Variants in RAP1GAP2 observed in about 807,000 individuals in gnomAD.
RAP1GAP2 encodes the protein rap1 GTPase-activating protein 2.
Under a neutral mutation model 95.0 loss-of-function variants are expected in RAP1GAP2, and 27 were observed. The ratio of observed to expected loss-of-function variants is 0.28; its 90% CI spans 0.21 to 0.39. The LOEUF (loss-of-function observed/expected upper bound fraction) is 0.39. Ranked by LOEUF, RAP1GAP2 falls within the 10% of genes least tolerant of loss-of-function variation. The probability of loss-of-function intolerance (pLI) is 1.00; values close to 1 mark genes in which losing one functional copy is unlikely to be tolerated. For missense variants in RAP1GAP2, 771 were observed against 970.0 expected (o/e 0.79, Z 2.72); for synonymous variants, 373 against 380.9 (o/e 0.98, Z 0.24).
At chr17:2,852,782 G>C (rs559124960) in intron 2 of RAP1GAP2, among the ~76,000 whole-genome samples, 10 of 152,278 alleles carry the variant, frequency 6.6e-5, no homozygotes, top group African/African-American at 2.4e-4. Flanking sequence ...CTGGGAGGCT[G>C]GGCAGCACCT....
intron 1 of RAP1GAP2, among the ~76,000 whole-genome samples, chr17:2,766,262 C>T (rs561821074): frequency 3.9e-5 from 6 of 152,114 alleles, no homozygotes; most frequent in Admixed American, 6.6e-5. Flanking sequence ...TTTGTGTCCC[C>T]GGAAATTCAT....
At chr17:2,901,439 T>A (rs1040709630) in intron 2 of RAP1GAP2, among the ~76,000 whole-genome samples, 17 of 152,136 alleles carry the variant, frequency 1.1e-4, no homozygotes, top group Admixed American at 1.0e-3. Flanking sequence ...TCCTTGTGGG[T>A]CCCTGGGTGG....
chr17:3,027,115 G>A lies in RAP1GAP2; in HGVS notation c.2107+45G>A. ...GTGTGTGACGTCACCAGGAGGGCAG[G>A]CTGTGCCCTGTCCACTGTTAGCAGG... On this transcript the variant is annotated intron_variant, in intron 22 of 24. Coordinates refer to ENST00000254695, the MANE Select transcript of RAP1GAP2 (RefSeq NM_015085.5). The surrounding 1 kb of genome is among the most constrained non-coding windows in gnomAD (Gnocchi z 5.2). The A allele has an allele frequency of 6.5e-7, 1 of 1,530,036 alleles. No individual in the cohort carries two copies. Among genetic ancestry groups the A allele is most frequent in the East Asian group, 2.4e-5 (1 of 40,818 alleles). The allele number at this position is 1,530,036 out of a possible 1,614,324, so 94.8% of individuals were successfully genotyped here. A position where few individuals can be genotyped will look rare whatever the true frequency, so the allele number is the denominator to read the frequency against.
At chr17:2,898,402 A>G (rs2041911282) in intron 2 of RAP1GAP2, among the ~76,000 whole-genome samples, 1 of 152,122 alleles carries the variant, frequency 6.6e-6, no homozygotes, top group African/African-American at 2.4e-5. Flanking sequence ...TCCTGAATCC[A>G]GTGTCCTCTT....
At chr17:3,006,405 C>T (rs1388352737) in intron 16 of RAP1GAP2, among the ~76,000 whole-genome samples, 4 of 150,608 alleles carry the variant, frequency 2.7e-5, no homozygotes, top group African/African-American at 7.3e-5. Context: ...GCCGGGATTA[C>T]AGGCGTGAGC....
intron 16 of RAP1GAP2, among the ~76,000 whole-genome samples, chr17:3,006,985 G>C (rs1235048871): frequency 6.6e-6 from 1 of 152,194 alleles, no homozygotes; most frequent in East Asian, 1.9e-4. Context: ...AGGCTTCCTG[G>C]AGGAGGTGGC....
upstream of RAP1GAP2, among the ~76,000 whole-genome samples, chr17:2,772,992 G>A (rs2068428039): frequency 6.6e-6 from 1 of 151,746 alleles, no homozygotes; most frequent in Non-Finnish European, 1.5e-5. Context: ...CCTAGTAGCT[G>A]GGATTACAGG....
At chr17:2,979,007 A>T (rs1057479620) in intron 8 of RAP1GAP2, among the ~76,000 whole-genome samples, 1 of 102,734 alleles carries the variant, frequency 9.7e-6, no homozygotes. Context: ...TAAAAAAAAT[A>T]AAAAAATTCA....
At chr17:2,785,385 A>G (rs2151454354) in intron 1 of RAP1GAP2, among the ~76,000 whole-genome samples, 1 of 147,618 alleles carries the variant, frequency 6.8e-6, no homozygotes, top group East Asian at 2.2e-4. Flanking sequence ...AGGAGGAGAG[A>G]AAAAGCAAAA....
intron 1 of RAP1GAP2, among the ~76,000 whole-genome samples, chr17:2,798,520 G>A (rs1408680769): frequency 6.6e-6 from 1 of 152,120 alleles, no homozygotes; most frequent in African/African-American, 2.4e-5. Context: ...CTGGGAGGGG[G>A]TGTCACGGAT....
At chr17:2,815,346 T>A (rs2069961354) in intron 2 of RAP1GAP2, among the ~76,000 whole-genome samples, 1 of 152,178 alleles carries the variant, frequency 6.6e-6, no homozygotes. Flanking sequence ...TAACAGTACC[T>A]GCACGTGGGT....
Position 2,877,588 on chromosome 17 carries a change from A to G in RAP1GAP2, c.81-27696A>G, listed in dbSNP as rs1314967486. ...CATGGTGAAACCCCATCTCTACTAAAAAAACACAAAAAATTAACTGGGTAT... is the reference window on the plus strand; with the variant it reads ...CATGGTGAAACCCCATCTCTACTAAGAAAACACAAAAAATTAACTGGGTAT... On this transcript the variant is annotated intron_variant, in intron 2 of 24. Transcript: ENST00000254695. Among the ~76,000 whole-genome samples the G allele has an allele frequency of 3.9e-5, 6 of 152,218 alleles. No individual in the cohort carries two copies. In the South Asian group the frequency reaches 1.0e-3, roughly 26 times the overall value.
chr17:2,778,314 G>C (rs374920651), intron 1 of RAP1GAP2, among the ~76,000 whole-genome samples: 1 of 151,958 alleles, frequency 6.6e-6, no homozygotes, highest in African/African-American at 2.4e-5. Context: ...GGTGGGATGC[G>C]GGGGCGGGAG....
chr17:2,943,721 A>G (rs1338623220), intron 3 of RAP1GAP2, among the ~76,000 whole-genome samples: 2 of 152,084 alleles, frequency 1.3e-5, no homozygotes, highest in Non-Finnish European at 2.9e-5. Flanking sequence ...TGTACTAAAG[A>G]CTTGAATAGA....
At chr17:3,026,247 A>G in intron 20 of RAP1GAP2, 103 bp from the exon 21 acceptor site, 1 of 1,308,402 alleles carries the variant, frequency 7.6e-7, no homozygotes, top group South Asian at 1.3e-5. Flanking sequence ...ACAAAGGCCG[A>G]CGGGTGGGGG....
intron 10 of RAP1GAP2, among the ~76,000 whole-genome samples, chr17:2,983,440 A>C (rs1244483184): frequency 6.6e-6 from 1 of 152,138 alleles, no homozygotes; most frequent in Non-Finnish European, 1.5e-5. Context: ...GAGCGTCATA[A>C]AAAACAAAAC....
At chr17:2,772,083 G>C (rs2068409741), upstream of RAP1GAP2, among the ~76,000 whole-genome samples, 1 of 151,994 alleles carries the variant, frequency 6.6e-6, no homozygotes, top group Non-Finnish European at 1.5e-5. Context: ...TCCGCCTCCA[G>C]GGTTCAAGCG....
intron 2 of RAP1GAP2, among the ~76,000 whole-genome samples, chr17:2,876,169 C>T (rs1409994320): frequency 3.9e-5 from 6 of 151,926 alleles, no homozygotes; most frequent in African/African-American, 1.2e-4. Flanking sequence ...GATCTCCTGA[C>T]CTTGTGAGCT....
At chr17:2,862,754 T>C (rs2072453073) in intron 2 of RAP1GAP2, among the ~76,000 whole-genome samples, 1 of 152,082 alleles carries the variant, frequency 6.6e-6, no homozygotes, top group Non-Finnish European at 1.5e-5. Flanking sequence ...TTCCAGCACT[T>C]TGGGAGGCCA....
Sources: gnomAD v4.1 joint callset for allele counts (sites outside exome capture counted in the v4.1 genomes callset) on GRCh38, gnomAD v4.1.1 for gene constraint, Gnocchi (gnomAD v3.1) non-coding constraint, MANE v1.5 for transcripts, NCBI Gene and HGNC (gene_info 2026-07-23, HGNC 2026-07-21) for gene names.